SIK2: variants seen among roughly 807,000 people sequenced by gnomAD.
SIK2 encodes serine/threonine-protein kinase SIK2.
In SIK2, 29 loss-of-function variants were observed where a neutral mutation model predicts 103.2. That is an observed-to-expected ratio of 0.28 (90% CI 0.21 to 0.38). The LOEUF (loss-of-function observed/expected upper bound fraction) is 0.38. SIK2 is among the 10% of genes least tolerant of loss of function. The pLI is 1.00. For missense variants in SIK2, 879 were observed against 1,171.0 expected (o/e 0.75, Z 3.64); for synonymous variants, 412 against 446.1 (o/e 0.92, Z 0.96).
chr11:111,704,920 A>G, intron 7 of SIK2, 67 bp from the exon 8 acceptor site: 1 of 1,372,756 alleles, frequency 7.3e-7, no homozygotes, highest in Non-Finnish European at 9.7e-7. Context: ...CTTTTTTTTT[A>G]GGCATGTGTA....
intron 3 of SIK2, among the ~76,000 whole-genome samples, chr11:111,636,654 C>A (rs1942112523): frequency 6.6e-6 from 1 of 152,194 alleles, no homozygotes; most frequent in South Asian, 2.1e-4. Flanking sequence ...CTCTCTTATA[C>A]ATACTTCAGC....
At chr11:111,615,886 T>G (rs182298979) in intron 1 of SIK2, among the ~76,000 whole-genome samples, 50 of 152,342 alleles carry the variant, frequency 3.3e-4, no homozygotes, top group Admixed American at 2.6e-4. Flanking sequence ...ATCATTTGTT[T>G]ATAGGTACTT....
intron 3 of SIK2, among the ~76,000 whole-genome samples, chr11:111,682,476 G>A (rs1942789601): frequency 1.3e-5 from 2 of 152,176 alleles, no homozygotes; most frequent in Non-Finnish European, 2.9e-5. Flanking sequence ...AATTCAGATT[G>A]GGTATTAGAT....
intron 3 of SIK2, among the ~76,000 whole-genome samples, chr11:111,655,610 G>A (rs1942381686): frequency 6.6e-6 from 1 of 152,110 alleles, no homozygotes; most frequent in Non-Finnish European, 1.5e-5. Context: ...TAATGATGGC[G>A]GTGATAGATT....
At position 111,723,891 on chromosome 11, in the gene SIK2, C is replaced by G; in HGVS notation, c.2543C>G (p.Thr848Ser). 1.2e-6 allele frequency: 2 copies of G among 1,613,438 alleles called. No homozygotes were observed. The highest frequency in any genetic ancestry group is 1.7e-6 in the Non-Finnish European group (2 of 1,179,692). Residue 848 changes from threonine to serine, a missense_variant, in exon 15 of 15, where the codon ACT becomes AGT. Physicochemically the swap from Thr to Ser is moderately conservative, Grantham distance 58. Around this residue, in one of 7 missense-constraint regions of SIK2, gnomAD observed 375 missense variants for 416.3 expected, o/e 0.90. Transcript: ENST00000304987. Reference sequence around the variant, plus strand: ...GCCCCCTTACAGTTCTCCTATCAGACTTGTGAGCTGCCAAGCGCTGCTTCC... The same window carrying G: ...GCCCCCTTACAGTTCTCCTATCAGAGTTGTGAGCTGCCAAGCGCTGCTTCC... Reference protein sequence around the residue: ...APAPLQFSYQTCELPSAASPA... With the variant: ...APAPLQFSYQSCELPSAASPA...
intron 3 of SIK2, among the ~76,000 whole-genome samples, chr11:111,651,478 C>T (rs1451357712): frequency 1.3e-5 from 2 of 152,076 alleles, no homozygotes; most frequent in Non-Finnish European, 2.9e-5. Context: ...GGGAGCTGAA[C>T]AATGAGAACA....
chr11:111,661,087 C>A (rs566307245), intron 3 of SIK2, among the ~76,000 whole-genome samples: 1 of 151,854 alleles, frequency 6.6e-6, no homozygotes, highest in Non-Finnish European at 1.5e-5. Context: ...GCATACCAGT[C>A]GAGATGAATC....
At position 111,729,716 on chromosome 11, in the gene SIK2, T is replaced by G. The variant is rs1437738702; in HGVS notation, c.*5587T>G. 6.6e-6 allele frequency: 1 copy of G among 152,244 alleles called. No homozygotes were observed. The highest frequency in any genetic ancestry group is 1.9e-4 in the East Asian group (1 of 5,204). 9.4% of individuals were successfully genotyped at this position (152,244 alleles called of 1,614,324 possible). On this transcript the variant is annotated 3_prime_UTR_variant, in exon 15 of 15. Transcript: ENST00000304987. ...AAGCACAGGGTGAATGTGATATTGT[T>G]CCCACAACCTTATTCTCCACTCAAC...
At chr11:111,636,364 C>A (rs1364683208) in intron 3 of SIK2, among the ~76,000 whole-genome samples, 1 of 152,178 alleles carries the variant, frequency 6.6e-6, no homozygotes, top group Non-Finnish European at 1.5e-5. Context: ...TGCTCCATTA[C>A]CCACTTTTGT....
chr11:111,652,662 A>G (rs1384593500), intron 3 of SIK2, among the ~76,000 whole-genome samples: 1 of 152,232 alleles, frequency 6.6e-6, no homozygotes, highest in Non-Finnish European at 1.5e-5. Context: ...AATGCTAAAT[A>G]CAATAACTTG....
chr11:111,634,466 CTTA>C (rs970972731), intron 3 of SIK2, among the ~76,000 whole-genome samples: 4 of 151,562 alleles, frequency 2.6e-5, no homozygotes, highest in Middle Eastern at 3.4e-3. Flanking sequence ...TTTTTTTCCA[CTTA>C]TTATTAACCA....
intron 1 of SIK2, among the ~76,000 whole-genome samples, chr11:111,612,806 CAGTT>C (rs2135832612): frequency 1.3e-5 from 2 of 151,864 alleles, no homozygotes; most frequent in Admixed American, 1.3e-4. Flanking sequence ...TTTGGTAAAG[CAGTT>C]AGAGTTCCCA....
chr11:111,718,913 C>G (rs1354375821), intron 9 of SIK2: 1 of 152,286 alleles, frequency 6.6e-6, no homozygotes, highest in Non-Finnish European at 1.5e-5. Flanking sequence ...CCAGAACTTG[C>G]AACCACAACC....
intron 8 of SIK2, among the ~76,000 whole-genome samples, chr11:111,706,119 A>G (rs966101516): frequency 6.6e-6 from 1 of 152,212 alleles, no homozygotes; most frequent in Non-Finnish European, 1.5e-5. Context: ...TGGTTTCCCA[A>G]GTGTGTAATG....
intron 1 of SIK2, among the ~76,000 whole-genome samples, chr11:111,606,663 A>T (rs539693): frequency 6.6e-6 from 1 of 151,960 alleles, no homozygotes; most frequent in African/African-American, 2.4e-5. Flanking sequence ...TTTTGTGCCT[A>T]TAACTGAGTG....
chr11:111,690,684 TC>T (rs2135899351), intron 4 of SIK2, among the ~76,000 whole-genome samples: 1 of 145,670 alleles, frequency 6.9e-6, no homozygotes, highest in Admixed American at 6.9e-5. Context: ...ATTGTTCAAC[TC>T]CCACTTATGA....
chr11:111,723,996 C>T lies in SIK2; in HGVS notation c.2648C>T (p.Pro883Leu), dbSNP rs774107814. 6.2e-7 allele frequency: 1 copy of T among 1,614,196 alleles called. No homozygotes were observed. Among genetic ancestry groups the T allele is most frequent in the South Asian group, 1.1e-5 (1 of 91,070 alleles). ...QQSDLTGPDC[P>L]RSPGLQEAPS... is the part of the protein sequence containing the mutation. ...AGCGACCTAACGGGGCCAGACTGTC[C>T]CAGAAGCCCAGGACTGCAAGAGGCC... The change falls in exon 15 of 15, where the codon CCC (proline) becomes CTC (leucine). Residue 883 changes from proline (P) to leucine (L), a missense_variant. Pro to Leu is a moderately conservative substitution (Grantham distance 98, BLOSUM62 -3). Around this residue, in one of 7 missense-constraint regions of SIK2, gnomAD observed 375 missense variants for 416.3 expected, o/e 0.90. Coordinates refer to ENST00000304987, the MANE Select transcript of SIK2 (RefSeq NM_015191.3).
intron 8 of SIK2, among the ~76,000 whole-genome samples, chr11:111,706,789 G>A (rs1281469627): frequency 4.0e-5 from 6 of 151,836 alleles, no homozygotes; most frequent in African/African-American, 1.2e-4. Context: ...GTGAAACCCC[G>A]TCTCTACTAA....
At chr11:111,671,825 G>C in intron 3 of SIK2, 1 of 409,976 alleles carries the variant, frequency 2.4e-6, no homozygotes, top group Non-Finnish European at 4.8e-6. Context: ...TTCCTTCTCT[G>C]TATGCTTGTT....
Sources: allele counts gnomAD v4.1 joint callset (sites outside exome capture counted in the v4.1 genomes callset), GRCh38; gene constraint gnomAD v4.1.1; regional missense constraint gnomAD v4.1.1; transcripts MANE v1.5; gene names NCBI Gene and HGNC (gene_info 2026-07-23, HGNC 2026-07-21).